CREB5: variants seen among roughly 807,000 people sequenced by gnomAD.
CREB5 encodes the protein cAMP responsive element binding protein 5, also known as cyclic AMP-responsive element-binding protein 5.
In CREB5, 19 loss-of-function variants were observed where a neutral mutation model predicts 57.1. That is an observed-to-expected ratio of 0.33 (90% CI 0.23 to 0.49). The LOEUF (loss-of-function observed/expected upper bound fraction) is 0.49. CREB5 is among the 20% of genes least tolerant of loss of function. The probability of loss-of-function intolerance (pLI) is 0.99; values close to 1 mark genes in which losing one functional copy is unlikely to be tolerated. For missense variants in CREB5, 579 were observed against 671.6 expected, an observed-to-expected ratio of 0.86 and a Z score of 1.52; for synonymous variants, 238 against 238.3, an observed-to-expected ratio of 1.00 and a Z score of 0.01.
intron 1 of CREB5, among the ~76,000 whole-genome samples, chr7:28,457,519 T>A (rs1289229248): frequency 6.6e-6 from 1 of 152,132 alleles, no homozygotes; most frequent in African/African-American, 2.4e-5. Context: ...TTAAAAAAAT[T>A]TTTTTTGAGA....
intron 4 of CREB5, among the ~76,000 whole-genome samples, chr7:28,557,289 G>A (rs117577562): frequency 2.0e-5 from 3 of 152,164 alleles, no homozygotes; most frequent in Admixed American, 6.5e-5. Context: ...GGAATCTCAC[G>A]GTACAATGAA....
intron 5 of CREB5, among the ~76,000 whole-genome samples, chr7:28,605,068 A>C (rs1442956274): frequency 6.6e-6 from 1 of 152,160 alleles, no homozygotes; most frequent in African/African-American, 2.4e-5. Flanking sequence ...AACATTGCAC[A>C]GGAAGGTATT....
In CREB5 at chr7:28,350,478, C is replaced by T. The variant is rs137947839; in HGVS notation, c.-25+51037C>T. Among the ~76,000 whole-genome samples the T allele has an allele frequency of 6.1e-4, 92 of 151,838 alleles. No homozygotes were observed. The Middle Eastern group carries it at 0.017, about 28-fold the overall frequency. On this transcript the variant is annotated intron_variant, in intron 1 of 9. Transcript: ENST00000396299. ...AACTTCATAGGAGAGTACTAACTGG[C>T]TTCAGCCAATTACTATACCTGTTTC...
intron 4 of CREB5, among the ~76,000 whole-genome samples, chr7:28,539,095 A>G (rs980069427): frequency 2.0e-5 from 3 of 152,232 alleles, no homozygotes; most frequent in Non-Finnish European, 4.4e-5. Context: ...ACATCACTGG[A>G]AAGTTGCTTA....
In CREB5 at chr7:28,714,812, A is replaced by G. The variant is rs1802588328; in HGVS notation, c.465-3941A>G. ...CTCAGTTTAGTAATTGAACAATCCA[A>G]CATGAGCTCACACATCTTACCTTGT... On this transcript the variant is annotated intron_variant, in intron 5 of 10. Transcript: ENST00000357727. Among the ~76,000 whole-genome samples the G allele has an allele frequency of 2.0e-5, 3 of 152,238 alleles. No individual in the cohort carries two copies. The South Asian group carries it at 6.2e-4, about 31-fold the overall frequency.
At chr7:28,560,867 T>TGCGCGTGCGTGC (rs1294033526) in intron 4 of CREB5, among the ~76,000 whole-genome samples, 6 of 22,046 alleles carry the variant, frequency 2.7e-4, no homozygotes, top group Non-Finnish European at 4.0e-4. Flanking sequence ...TGCGTGTGCC[T>TGCGCGTGCGTGC]GCGTGCGCGT....
intron 5 of CREB5, among the ~76,000 whole-genome samples, chr7:28,645,254 T>C (rs1474092811): frequency 6.6e-6 from 1 of 152,246 alleles, no homozygotes; most frequent in Non-Finnish European, 1.5e-5. Context: ...ACTATGGTGA[T>C]AAAATCCTAA....
chr7:28,324,340 AT>A, intron 1 of CREB5, among the ~76,000 whole-genome samples: 1 of 152,150 alleles, frequency 6.6e-6, no homozygotes, highest in East Asian at 1.9e-4. Flanking sequence ...TGCTTCAGTC[AT>A]TCCGGTTGAG....
chr7:28,674,494 T>C (rs1192217967), intron 5 of CREB5, among the ~76,000 whole-genome samples: 1 of 152,188 alleles, frequency 6.6e-6, no homozygotes, highest in Non-Finnish European at 1.5e-5. Flanking sequence ...CCTGCATGAC[T>C]CATTTCTGAG....
intron 5 of CREB5, among the ~76,000 whole-genome samples, chr7:28,645,832 G>A (rs888140217): frequency 7.2e-5 from 11 of 152,182 alleles, no homozygotes; most frequent in African/African-American, 2.7e-4. Context: ...GTAGAAATTA[G>A]CATTTGGATC....
intron 1 of CREB5, among the ~76,000 whole-genome samples, chr7:28,477,203 C>A (rs1389138471): frequency 6.6e-6 from 1 of 152,250 alleles, no homozygotes; most frequent in African/African-American, 2.4e-5. Context: ...TTCCCTGAAG[C>A]AGTTTGTGAA....
At chr7:28,461,230 T>C (rs1349600206) in intron 1 of CREB5, among the ~76,000 whole-genome samples, 2 of 90,876 alleles carry the variant, frequency 2.2e-5, no homozygotes, top group African/African-American at 5.0e-5. Flanking sequence ...ACTCTGCCTC[T>C]GAAAAAAAAA....
intron 1 of CREB5, among the ~76,000 whole-genome samples, chr7:28,341,032 T>A (rs1286764388): frequency 6.6e-6 from 1 of 152,172 alleles, no homozygotes; most frequent in Non-Finnish European, 1.5e-5. Context: ...AATTGAAGAC[T>A]GTATTTCTTA....
chr7:28,306,258 C>G (rs1785178974), intron 1 of CREB5, among the ~76,000 whole-genome samples: 1 of 152,178 alleles, frequency 6.6e-6, no homozygotes, highest in African/African-American at 2.4e-5. Flanking sequence ...CTTTATGTGC[C>G]TGCTGTGTTA....
At chr7:28,785,031 T>C (rs1388032175) in intron 7 of CREB5, among the ~76,000 whole-genome samples, 1 of 152,244 alleles carries the variant, frequency 6.6e-6, no homozygotes, top group Admixed American at 6.5e-5. Context: ...TTCGTCAGAA[T>C]CATGCAACCT....
chr7:28,311,512 A>T (rs1204803930), intron 1 of CREB5, among the ~76,000 whole-genome samples: 1 of 152,192 alleles, frequency 6.6e-6, no homozygotes, highest in Non-Finnish European at 1.5e-5. Flanking sequence ...TCCTCCTTTT[A>T]CACATTTAAA....
intron 5 of CREB5, among the ~76,000 whole-genome samples, chr7:28,578,701 C>T (rs1194910134): frequency 6.6e-6 from 1 of 152,150 alleles, no homozygotes; most frequent in East Asian, 1.9e-4. Flanking sequence ...TGGAGATAGC[C>T]TATGATGCCC....
In CREB5 at chr7:28,652,316, T is replaced by C. The variant is rs186390900; in HGVS notation, c.465-66437T>C. Among the ~76,000 whole-genome samples the C allele has an allele frequency of 1.3e-3, 196 of 152,292 alleles. 4 individuals carry two copies. Among genetic ancestry groups the C allele is most frequent in the Admixed American group, 0.013 (195 of 15,294 alleles). ...TACTGTGAAAGCTCCTATTTTCAAA[T>C]TGCTTTAAGGTAATAATGGAAGTTT... is the stretch of plus-strand genomic sequence containing the variant. On this transcript the variant is annotated intron_variant, in intron 5 of 10. Coordinates refer to ENST00000357727, the MANE Select transcript of CREB5 (RefSeq NM_182898.4).
intron 4 of CREB5, among the ~76,000 whole-genome samples, chr7:28,514,457 G>T (rs1792846558): frequency 6.6e-6 from 1 of 152,058 alleles, no homozygotes; most frequent in Non-Finnish European, 1.5e-5. Context: ...GTGCAGTGGC[G>T]CCATCTCGGC....
Sources: gnomAD v4.1 joint callset for allele counts (sites outside exome capture counted in the v4.1 genomes callset) on GRCh38, gnomAD v4.1.1 for gene constraint, MANE v1.5 for transcripts, NCBI Gene and HGNC (gene_info 2026-07-23, HGNC 2026-07-21) for gene names.